The following CELF5 variants were observed in gnomAD, a reference collection of about 807,000 sequenced individuals.
The protein encoded by CELF5 is CUGBP Elav-like family member 5.
A neutral mutation model predicts 54.9 loss-of-function variants in CELF5; 6 were observed. That is an observed-to-expected ratio of 0.11 (90% CI 0.06 to 0.22). The LOEUF (loss-of-function observed/expected upper bound fraction) is 0.22, where lower values mean the gene tolerates loss of function less well. Among genes scored for constraint, CELF5 ranks in the 10% least tolerant of loss-of-function variants. The probability of loss-of-function intolerance (pLI) is 1.00; values close to 1 mark genes in which losing one functional copy is unlikely to be tolerated. For missense variants in CELF5, 401 were observed against 678.6 expected (o/e 0.59, Z 4.54); for synonymous variants, 271 against 290.9 (o/e 0.93, Z 0.70).
intron 8 of CELF5, among the ~76,000 whole-genome samples, chr19:3,283,800 C>A (rs1378767598): frequency 1.3e-5 from 2 of 151,732 alleles, no homozygotes; most frequent in Non-Finnish European, 2.9e-5. Flanking sequence ...ACAATTAATT[C>A]AACTCCAGAC....
At chr19:3,289,715 A>AAAAAAAAAAAAAAAG in intron 10 of CELF5, among the ~76,000 whole-genome samples, 1 of 144,616 alleles carries the variant, frequency 6.9e-6, no homozygotes, top group Non-Finnish European at 1.5e-5. Flanking sequence ...AAAAAAAAAA[A>AAAAAAAAAAAAAAAG]TTAGCAACGC....
chr19:3,236,974 G>A (rs1395612829), intron 1 of CELF5, among the ~76,000 whole-genome samples: 3 of 138,268 alleles, frequency 2.2e-5, no homozygotes, highest in Non-Finnish European at 4.6e-5. Flanking sequence ...GGACGACAGA[G>A]CAAGACTCCA....
rs746473284 is a variant in CELF5 at position 3,291,024 on chromosome 19, G to A, written c.1330+650G>A. Reference sequence around the variant, plus strand: ...GCCTGTAGTCCCAACTACTCAGGAGGCTGAGGTGTGAGGACCCCTTGAACC... The same window carrying A: ...GCCTGTAGTCCCAACTACTCAGGAGACTGAGGTGTGAGGACCCCTTGAACC... On this transcript the variant is annotated intron_variant, in intron 11 of 12. Transcript: ENST00000292672. Among the ~76,000 whole-genome samples the A allele has an allele frequency of 3.3e-5, 5 of 151,926 alleles. No homozygotes were observed. The South Asian group carries it at 8.3e-4, about 25-fold the overall frequency.
At chr19:3,262,821 C>T (rs911134773) in intron 2 of CELF5, among the ~76,000 whole-genome samples, 2 of 151,970 alleles carry the variant, frequency 1.3e-5, no homozygotes, top group Non-Finnish European at 2.9e-5. Context: ...TGCCTGTCAT[C>T]CCAGCTACTT....
chr19:3,257,844 A>T (rs994920213), intron 2 of CELF5, among the ~76,000 whole-genome samples: 2 of 139,706 alleles, frequency 1.4e-5, no homozygotes, highest in Non-Finnish European at 3.1e-5. Flanking sequence ...TTTGAGACAG[A>T]ATCTCACTCT....
chr19:3,265,773 A>C (rs1200981088), intron 2 of CELF5, among the ~76,000 whole-genome samples: 1 of 152,080 alleles, frequency 6.6e-6, no homozygotes, highest in African/African-American at 2.4e-5. Context: ...TGCAGTAGCC[A>C]TTCTTGATTA....
intron 2 of CELF5, among the ~76,000 whole-genome samples, chr19:3,263,101 G>T (rs1461159390): frequency 6.6e-6 from 1 of 151,622 alleles, no homozygotes; most frequent in Non-Finnish European, 1.5e-5. Flanking sequence ...CAAAAAATTA[G>T]CTGGGCATGG....
At chr19:3,258,666 C>CAG (rs1432352859) in intron 2 of CELF5, among the ~76,000 whole-genome samples, 13 of 152,040 alleles carry the variant, frequency 8.6e-5, no homozygotes, top group Admixed American at 2.0e-4. Flanking sequence ...GGCTGGAGTG[C>CAG]AGTGTTGCAA....
intron 1 of CELF5, among the ~76,000 whole-genome samples, chr19:3,248,853 TCTTCCTTC>T (rs56977899): frequency 0.082 from 9,684 of 118,812 alleles, 543 homozygotes; most frequent in East Asian, 0.26. Flanking sequence ...TTTCTTTCTT[TCTTCCTTC>T]CTTCCTTCCT....
chr19:3,251,035 A>T lies in CELF5; in HGVS notation c.310A>T (p.Thr104Ser). ...CAGGGATTCCGCCATCAAAGCTCAG[A>T]CTGCCCTGCACGAGCAGAAGACCTT... ...CARDSAIKAQ[T>S]ALHEQKTLPG... The change falls in exon 2 of 13, where the codon ACT (threonine) becomes TCT (serine). Residue 104 changes from threonine (T) to serine (S), a missense_variant. Physicochemically the swap from Thr to Ser is moderately conservative, Grantham distance 58. This residue lies in a region of CELF5 where 66 missense variants were observed against 132.3 expected (regional missense o/e 0.50). Coordinates refer to ENST00000292672, the MANE Select transcript of CELF5 (RefSeq NM_021938.4). The T allele has an allele frequency of 1.2e-6, 2 of 1,613,924 alleles. No homozygotes were observed. Among genetic ancestry groups the T allele is most frequent in the South Asian group, 2.2e-5 (2 of 91,064 alleles).
chr19:3,252,977 C>T (rs1022268473), intron 2 of CELF5, among the ~76,000 whole-genome samples: 1 of 151,956 alleles, frequency 6.6e-6, no homozygotes, highest in South Asian at 2.1e-4. Context: ...AAGGGCACTC[C>T]AGGCAGAAGG....
At chr19:3,276,039 G>T in intron 4 of CELF5, 55 bp downstream of exon 4, 1 of 1,402,988 alleles carries the variant, frequency 7.1e-7, no homozygotes, top group Non-Finnish European at 9.7e-7. Flanking sequence ...AGCTCTGGGG[G>T]CGGGGCCTGT....
chr19:3,290,719 A>G (rs944055828), intron 11 of CELF5, among the ~76,000 whole-genome samples: 1 of 135,112 alleles, frequency 7.4e-6, no homozygotes, highest in Admixed American at 7.4e-5. Context: ...GCCCGCCACC[A>G]CACCCAGCTA....
At chr19:3,251,108 T>G in intron 2 of CELF5, 41 bp downstream of exon 2, 6 of 1,449,388 alleles carry the variant, frequency 4.1e-6, no homozygotes, top group Non-Finnish European at 4.8e-6. Context: ...GGACAGGGGA[T>G]GGCTCTCAGC....
intron 5 of CELF5, among the ~76,000 whole-genome samples, chr19:3,279,321 C>T (rs1390387013): frequency 7.9e-5 from 12 of 152,020 alleles, no homozygotes; most frequent in Admixed American, 6.5e-5. Context: ...GACTGCCCTT[C>T]CCCCGAGGAA....
chr19:3,295,713 C>T (rs2080428991), intron 12 of CELF5: 1 of 153,122 alleles, frequency 6.5e-6, no homozygotes, highest in Non-Finnish European at 1.5e-5. Context: ...GCCCCTTCGT[C>T]CCAGAGCCCT....
At chr19:3,286,700 C>G (rs1468438365) in intron 10 of CELF5, 5 of 142,178 alleles carry the variant, frequency 3.5e-5, no homozygotes, top group Non-Finnish European at 7.5e-5. Flanking sequence ...CCACTGGACT[C>G]CAGCCTGGGT....
intron 9 of CELF5, 63 bp from the exon 10 acceptor site, chr19:3,285,879 G>T: frequency 7.9e-7 from 1 of 1,263,716 alleles, no homozygotes; most frequent in Non-Finnish European, 1.0e-6. Flanking sequence ...CCGCCCAGCG[G>T]CCCAGGCCGC....
intron 2 of CELF5, 118 bp downstream of exon 2, chr19:3,251,185 G>A: frequency 1.4e-6 from 1 of 713,532 alleles, no homozygotes. Context: ...GACTCAGAAA[G>A]AGGTATGAGG....
Sources: gnomAD v4.1 joint callset for allele counts (sites outside exome capture counted in the v4.1 genomes callset) on GRCh38, gnomAD v4.1.1 for gene constraint, gnomAD v4.1.1 regional missense constraint, MANE v1.5 for transcripts, NCBI Gene and HGNC (gene_info 2026-07-23, HGNC 2026-07-21) for gene names.